Variants in PLK5 observed in about 807,000 individuals in gnomAD.
PLK5 encodes inactive serine/threonine-protein kinase PLK5.
In PLK5, 28 loss-of-function variants were observed where a neutral mutation model predicts 33.7. The observed-to-expected ratio is 0.83, with a 90% CI of 0.62 to 1.14. The LOEUF (loss-of-function observed/expected upper bound fraction) is 1.14, where lower values mean the gene tolerates loss of function less well. Among genes scored for constraint, PLK5 ranks in the 50% most tolerant of loss-of-function variants. The pLI is 0.00. For missense variants in PLK5, 492 were observed against 461.5 expected (o/e 1.07, Z -0.61); for synonymous variants, 225 against 202.2 (o/e 1.11, Z -0.96).
At chr19:1,530,163 G>A (rs538496445) in intron 11 of PLK5, among the ~76,000 whole-genome samples, 18 of 152,152 alleles carry the variant, frequency 1.2e-4, no homozygotes, top group African/African-American at 4.3e-4. Context: ...TATCCCCAGT[G>A]TCCCAGAACC....
chr19:1,529,671 G>A, intron 10 of PLK5, 76 bp from the exon 11 acceptor site: 1 of 1,455,614 alleles, frequency 6.9e-7, no homozygotes, highest in African/African-American at 1.4e-5. Context: ...ATGGAGCCGT[G>A]GGGAGGGGGA....
rs975385373 is a variant in PLK5 at position 1,529,460 on chromosome 19, G to T, written c.460G>T (p.Ala154Ser). The T allele has an allele frequency of 1.3e-6, 2 of 1,535,996 alleles. No individual in the cohort carries two copies. Among genetic ancestry groups the T allele is most frequent in the African/African-American group, 1.4e-5 (1 of 73,164 alleles). Residue 154 changes from alanine to serine, a missense_variant, in exon 10 of 14, where the codon GCA (alanine) becomes TCA (serine). Ala to Ser is a moderately conservative substitution (Grantham distance 99). Coordinates refer to ENST00000454744, the MANE Select transcript of PLK5 (RefSeq NM_001243079.2). ...CCTGGAAGGCCCCATCCACCTGGTC[G>T]CACAAGGGACCCTGCAGAGTGACCT... ...PCLEGPIHLV[A>S]QGTLQSDLAG...
intron 6 of PLK5, among the ~76,000 whole-genome samples, chr19:1,527,479 G>C (rs1913774703): frequency 6.6e-6 from 1 of 152,162 alleles, no homozygotes; most frequent in African/African-American, 2.4e-5. Flanking sequence ...GTGTGCACCT[G>C]TAGTCCCAGC....
intron 11 of PLK5, among the ~76,000 whole-genome samples, 171 bp downstream of exon 11, chr19:1,529,995 A>T (rs1211485277): frequency 6.6e-6 from 1 of 152,042 alleles, no homozygotes; most frequent in East Asian, 1.9e-4. Flanking sequence ...CTGTGTGCAG[A>T]GCCTGGCACG....
In PLK5 at chr19:1,524,468, GGT is replaced by G. The variant is rs965816499; in HGVS notation, c.-544+226_-544+227del. On this transcript the variant is annotated intron_variant, in intron 1 of 13. Transcript: ENST00000454744. The surrounding 1 kb of genome is among the most constrained non-coding windows in gnomAD (Gnocchi z 4.5). ...TCGTGTCCGTGGGTTGCGTGTCCGGGGTGTGGGCGTGCGGCTCGGCCTCGGGA... is the reference window on the plus strand; with the variant it reads ...TCGTGTCCGTGGGTTGCGTGTCCGGGGTGGGCGTGCGGCTCGGCCTCGGGA... 2.2e-4 allele frequency among the ~76,000 whole-genome samples: 34 copies of G among 151,156 alleles called. No homozygotes were observed. The highest frequency in any genetic ancestry group is 8.2e-4 in the African/African-American group (34 of 41,502).
chr19:1,530,004 C>T (rs373530684), intron 11 of PLK5, among the ~76,000 whole-genome samples, 180 bp downstream of exon 11: 14 of 152,228 alleles, frequency 9.2e-5, no homozygotes, highest in African/African-American at 1.9e-4. Context: ...GAGCCTGGCA[C>T]GGAGGGCTCT....
intron 12 of PLK5, among the ~76,000 whole-genome samples, chr19:1,532,975 T>G (rs1349823491): frequency 6.6e-6 from 1 of 151,834 alleles, no homozygotes; most frequent in Non-Finnish European, 1.5e-5. Context: ...CAAGTTTTTT[T>G]TTTTTTAAAT....
rs139332951 is a variant in PLK5, at chr19:1,534,923, C to T, written c.826-142C>T. ...AGTGGAGCACTTGGCCTCCCGACCC[C>T]GAGTTCCTGTGGCTGGGGCAGGCAC... On this transcript the variant is annotated intron_variant, in intron 13 of 13. Coordinates refer to ENST00000454744, the MANE Select transcript of PLK5 (RefSeq NM_001243079.2). The T allele has an allele frequency of 1.9e-3, 1,452 of 762,258 alleles. 11 individuals carry two copies. The African/African-American group carries it at 0.023, about 12-fold the overall frequency. The allele number at this position is 762,258 out of a possible 1,614,324, so 47.2% of individuals were successfully genotyped here.
chr19:1,532,665 G>A (rs957019382), intron 12 of PLK5, among the ~76,000 whole-genome samples: 2 of 152,008 alleles, frequency 1.3e-5, no homozygotes, highest in Non-Finnish European at 2.9e-5. Context: ...TGGGATTACA[G>A]GTGCCCGCCA....
chr19:1,526,955 G>T lies in PLK5; in HGVS notation c.-42G>T. The T allele has an allele frequency of 6.5e-7, 1 of 1,535,378 alleles. No homozygotes were observed. Among genetic ancestry groups the T allele is most frequent in the South Asian group, 1.2e-5 (1 of 84,030 alleles). ...GGACCCTGAGGTTGTCTCCAGAAAC[G>T]GTCACTCCTGCCAGTAGGACATCTG... On this transcript the variant is annotated 5_prime_UTR_variant, in exon 6 of 14. Coordinates refer to ENST00000454744, the MANE Select transcript of PLK5 (RefSeq NM_001243079.2).
rs555178848 is a variant in PLK5 at position 1,531,624 on chromosome 19, G to C, written c.569-114G>C. ...CACCGAAGCCCCCAAGCCTCTGTCCGGTCCCCGCCGTGGGAAGGGTCTCAC... is the reference window on the plus strand; with the variant it reads ...CACCGAAGCCCCCAAGCCTCTGTCCCGTCCCCGCCGTGGGAAGGGTCTCAC... On this transcript the variant is annotated intron_variant, in intron 11 of 13. Coordinates refer to ENST00000454744, the MANE Select transcript of PLK5 (RefSeq NM_001243079.2). The C allele has an allele frequency of 3.8e-4, 494 of 1,302,916 alleles. 2 individuals carry two copies. Among genetic ancestry groups the C allele is most frequent in the South Asian group, 7.2e-4 (47 of 65,430 alleles). The allele number at this position is 1,302,916 out of a possible 1,614,324, so 80.7% of individuals were successfully genotyped here.
At chr19:1,533,649 G>A (rs963833276) in intron 12 of PLK5, 6 of 557,548 alleles carry the variant, frequency 1.1e-5, no homozygotes, top group Non-Finnish European at 1.6e-5. Flanking sequence ...ATTCCAGGGG[G>A]TGTAGGTCAA....
At chr19:1,527,850 G>A in intron 6 of PLK5, 86 bp from the exon 7 acceptor site, 2 of 1,350,316 alleles carry the variant, frequency 1.5e-6, no homozygotes, top group Non-Finnish European at 2.0e-6. Flanking sequence ...GCACAGCTAA[G>A]CTGTGTAGGC....
chr19:1,529,209 G>T (rs1357922769), intron 9 of PLK5, among the ~76,000 whole-genome samples, 197 bp from the exon 10 acceptor site: 1 of 152,178 alleles, frequency 6.6e-6, no homozygotes, highest in African/African-American at 2.4e-5. Context: ...TCCCATCCAT[G>T]GCTTCAGTCC....
rs867813587 is a variant in PLK5, at chr19:1,532,524, T to C, written c.714+641T>C. On this transcript the variant is annotated intron_variant, in intron 12 of 13. Transcript: ENST00000454744. ...CCTTTCTCTACAAAATTTTCTTCTT[T>C]TTTTTTTTTTTTTTTTGAGATGGAG... Among the ~76,000 whole-genome samples, 260 of 112,952 alleles carry C rather than the reference T, an allele frequency of 2.3e-3. 1 individual carries two copies. The highest frequency in any genetic ancestry group is 3.9e-3 in the Middle Eastern group (1 of 256). The allele number at this position is 112,952 out of a possible 152,430, so 74.1% of individuals were successfully genotyped here.
intron 12 of PLK5, among the ~76,000 whole-genome samples, chr19:1,533,177 G>A (rs971458114): frequency 6.6e-6 from 1 of 151,972 alleles, no homozygotes; most frequent in Non-Finnish European, 1.5e-5. Context: ...CCAGGCTGGA[G>A]TGCAATCTCG....
At chr19:1,529,950 G>C in intron 11 of PLK5, 126 bp downstream of exon 11, 1 of 984,304 alleles carries the variant, frequency 1.0e-6, no homozygotes, top group Non-Finnish European at 1.5e-6. Flanking sequence ...GGAGGCCCCA[G>C]GACACGGTGA....
chr19:1,527,020 G>A, intron 6 of PLK5, 22 bp downstream of exon 6: 1 of 1,522,146 alleles, frequency 6.6e-7, no homozygotes, highest in African/African-American at 1.4e-5. Context: ...CCTGGAGAAG[G>A]TGGGCAGGGC....
intron 8 of PLK5, 93 bp from the exon 9 acceptor site, chr19:1,528,805 C>T: frequency 9.7e-7 from 1 of 1,032,752 alleles, no homozygotes; most frequent in Non-Finnish European, 1.4e-6. Flanking sequence ...CGCTCTGTCT[C>T]CACATCAGGG....
Sources: gnomAD v4.1 joint callset for allele counts (sites outside exome capture counted in the v4.1 genomes callset) on GRCh38, gnomAD v4.1.1 for gene constraint, Gnocchi (gnomAD v3.1) non-coding constraint, MANE v1.5 for transcripts, NCBI Gene and HGNC (gene_info 2026-07-23, HGNC 2026-07-21) for gene names.